PCDH9: variants seen among roughly 807,000 people sequenced by gnomAD.
PCDH9 encodes the protein protocadherin 9.
A neutral mutation model predicts 70.6 loss-of-function variants in PCDH9; 24 were observed. The ratio of observed to expected loss-of-function variants is 0.34; its 90% CI spans 0.25 to 0.48. PCDH9 has a LOEUF of 0.48. Ranked by LOEUF, PCDH9 falls within the 20% of genes least tolerant of loss-of-function variation. The pLI, the probability that PCDH9 is intolerant of heterozygous loss-of-function variation, is 0.99. For synonymous variants in PCDH9, 562 were observed against 558.5 expected (o/e 1.01, Z -0.09); for missense variants, 1,281 against 1,503.6 (o/e 0.85, Z 2.45).
chr13:66,742,604 G>A (rs959060994), intron 3 of PCDH9, among the ~76,000 whole-genome samples: 1 of 129,792 alleles, frequency 7.7e-6, no homozygotes, highest in African/African-American at 2.9e-5. Context: ...TCTGACAAAG[G>A]GCTAATATCC....
At chr13:67,186,575 T>C (rs1249615540) in intron 2 of PCDH9, among the ~76,000 whole-genome samples, 2 of 152,098 alleles carry the variant, frequency 1.3e-5, no homozygotes, top group Non-Finnish European at 2.9e-5. Context: ...AGTCCTTAAA[T>C]AGAATTAGTT....
At chr13:66,356,073 A>G (rs777900739) in intron 4 of PCDH9, among the ~76,000 whole-genome samples, 1 of 152,196 alleles carries the variant, frequency 6.6e-6, no homozygotes, top group African/African-American at 2.4e-5. Flanking sequence ...TACTATAGGC[A>G]AAGTGAAATT....
chr13:66,683,842 A>G (rs2078362137), intron 3 of PCDH9, among the ~76,000 whole-genome samples: 1 of 134,938 alleles, frequency 7.4e-6, no homozygotes, highest in Non-Finnish European at 1.7e-5. Flanking sequence ...ATTGTAGCCA[A>G]AGTTAAGCCC....
intron 2 of PCDH9, among the ~76,000 whole-genome samples, chr13:66,959,857 A>AT (rs1220925188): frequency 6.6e-6 from 1 of 152,196 alleles, no homozygotes; most frequent in South Asian, 2.1e-4. Flanking sequence ...AACCTTAATC[A>AT]ATAAACTGGA....
chr13:66,960,660 A>G (rs2083331442), intron 2 of PCDH9, among the ~76,000 whole-genome samples: 1 of 152,226 alleles, frequency 6.6e-6, no homozygotes, highest in South Asian at 2.1e-4. Context: ...TACAATTATT[A>G]CTTTTATAAA....
intron 2 of PCDH9, among the ~76,000 whole-genome samples, chr13:67,110,514 C>CAAAAA (rs67490405): frequency 1.3e-5 from 1 of 78,666 alleles, no homozygotes; most frequent in Non-Finnish European, 2.4e-5. Flanking sequence ...CACTCCATCT[C>CAAAAA]AAAAAAAAAA....
At chr13:66,394,869 C>T (rs1482293903) in intron 4 of PCDH9, among the ~76,000 whole-genome samples, 2 of 152,036 alleles carry the variant, frequency 1.3e-5, no homozygotes, top group Non-Finnish European at 2.9e-5. Flanking sequence ...TGCTTGACAA[C>T]TAAAAATGAA....
intron 4 of PCDH9, among the ~76,000 whole-genome samples, chr13:66,440,492 T>C (rs1276697735): frequency 6.6e-6 from 1 of 152,130 alleles, no homozygotes; most frequent in Non-Finnish European, 1.5e-5. Flanking sequence ...ACTCTACTAA[T>C]AACAAAATGT....
At chr13:67,133,884 T>C (rs2087168196) in intron 2 of PCDH9, among the ~76,000 whole-genome samples, 2 of 152,098 alleles carry the variant, frequency 1.3e-5, no homozygotes, top group African/African-American at 4.8e-5. Context: ...AAATCCACGG[T>C]GAGGCTGAAA....
chr13:66,962,953 G>A lies in PCDH9; in HGVS notation c.3037-59348C>T, dbSNP rs569293378. 5.9e-5 allele frequency among the ~76,000 whole-genome samples: 9 copies of A among 152,238 alleles called. No individual in the cohort carries two copies. The East Asian group carries it at 1.4e-3, about 23-fold the overall frequency. On this transcript the variant is annotated intron_variant, in intron 2 of 4. Transcript: ENST00000377865. ...AGCTCACCATAATGTGGAATCATTA[G>A]GAACCCTAAGCTTGTTTTCCTGCAA... is the stretch of plus-strand genomic sequence containing the variant.
At chr13:66,824,303 GTATATATATATA>G (rs60742942) in intron 3 of PCDH9, among the ~76,000 whole-genome samples, 2,145 of 128,186 alleles carry the variant, frequency 0.017, 52 homozygotes, top group African/African-American at 0.053. Flanking sequence ...TTGTTTGAAA[GTATATATATATA>G]TATATATATA....
chr13:66,573,961 A>T (rs963270555), intron 4 of PCDH9, among the ~76,000 whole-genome samples: 1 of 152,236 alleles, frequency 6.6e-6, no homozygotes, highest in African/African-American at 2.4e-5. Flanking sequence ...TCTAGTTTTA[A>T]CATTCCATAG....
intron 2 of PCDH9, among the ~76,000 whole-genome samples, chr13:67,064,473 T>A (rs1407321704): frequency 1.3e-5 from 2 of 152,204 alleles, no homozygotes; most frequent in African/African-American, 4.8e-5. Flanking sequence ...TAACTATTTT[T>A]AAAAACCTAA....
chr13:66,400,744 G>GT (rs999920940), intron 4 of PCDH9, among the ~76,000 whole-genome samples: 5 of 151,916 alleles, frequency 3.3e-5, no homozygotes, highest in South Asian at 2.1e-4. Flanking sequence ...AAAATGCACA[G>GT]TTTTTTTTAA....
intron 4 of PCDH9, among the ~76,000 whole-genome samples, chr13:66,456,973 T>A (rs1429298555): frequency 1.3e-5 from 2 of 152,124 alleles, no homozygotes; most frequent in Non-Finnish European, 2.9e-5. Flanking sequence ...ATTGTGTTCT[T>A]ATGAAAGTGC....
chr13:66,755,313 G>T (rs553789592), intron 3 of PCDH9, among the ~76,000 whole-genome samples: 1 of 152,140 alleles, frequency 6.6e-6, no homozygotes, highest in Non-Finnish European at 1.5e-5. Flanking sequence ...TTAGTGTATT[G>T]TAAACACTCT....
chr13:66,964,147 T>A (rs886997265), intron 2 of PCDH9, among the ~76,000 whole-genome samples: 1 of 152,064 alleles, frequency 6.6e-6, no homozygotes, highest in South Asian at 2.1e-4. Context: ...GATATCTTTA[T>A]TGGTAACAGA....
At chr13:66,536,042 G>T (rs995267512) in intron 4 of PCDH9, among the ~76,000 whole-genome samples, 2 of 152,000 alleles carry the variant, frequency 1.3e-5, no homozygotes, top group East Asian at 3.8e-4. Context: ...CTATCTTAAA[G>T]ATCACACGTG....
chr13:66,533,345 A>G (rs1960552382), intron 4 of PCDH9, among the ~76,000 whole-genome samples: 1 of 151,978 alleles, frequency 6.6e-6, no homozygotes, highest in African/African-American at 2.4e-5. Context: ...AGTCTCTCAT[A>G]TTAAACCACT....
Sources: allele counts gnomAD v4.1 joint callset (sites outside exome capture counted in the v4.1 genomes callset), GRCh38; gene constraint gnomAD v4.1.1; transcripts MANE v1.5; gene names NCBI Gene and HGNC (gene_info 2026-07-23, HGNC 2026-07-21).